The following PPM1B variants were observed in gnomAD, a reference collection of about 807,000 sequenced individuals.
PPM1B encodes protein phosphatase, Mg2+/Mn2+ dependent 1B, also known as protein phosphatase 1B.
A neutral mutation model predicts 43.0 loss-of-function variants in PPM1B; 22 were observed. That is an observed-to-expected ratio of 0.51 (90% CI 0.37 to 0.73). The LOEUF (loss-of-function observed/expected upper bound fraction) is 0.73. Among genes scored for constraint, PPM1B ranks in the 30% least tolerant of loss-of-function variants. The probability of loss-of-function intolerance (pLI) is 0.00; values close to 1 mark genes in which losing one functional copy is unlikely to be tolerated. For synonymous variants in PPM1B, 217 were observed against 197.9 expected (o/e 1.10, Z -0.81); for missense variants, 632 against 584.2 (o/e 1.08, Z -0.84).
chr2:44,182,165 G>A (rs1667905609), intron 1 of PPM1B, among the ~76,000 whole-genome samples: 1 of 152,198 alleles, frequency 6.6e-6, no homozygotes, highest in African/African-American at 2.4e-5. Context: ...TTTGGGTTCT[G>A]AAATGGCTGT....
chr2:44,171,539 G>A (rs1667344400), intron 1 of PPM1B, among the ~76,000 whole-genome samples: 1 of 152,142 alleles, frequency 6.6e-6, no homozygotes, highest in South Asian at 2.1e-4. Flanking sequence ...ATTAAAAAGA[G>A]GCTATATAGG....
chr2:44,196,543 A>G (rs1668672333), intron 1 of PPM1B, among the ~76,000 whole-genome samples: 1 of 152,148 alleles, frequency 6.6e-6, no homozygotes, highest in South Asian at 2.1e-4. Flanking sequence ...TACTTTTTGA[A>G]AAGAAAATAA....
intron 1 of PPM1B, among the ~76,000 whole-genome samples, chr2:44,195,405 T>C (rs1294956439): frequency 6.6e-6 from 1 of 151,848 alleles, no homozygotes; most frequent in Non-Finnish European, 1.5e-5. Flanking sequence ...AGAGATAGGG[T>C]CTTGCTATGT....
chr2:44,214,697 A>G (rs901597312), intron 3 of PPM1B, among the ~76,000 whole-genome samples: 1 of 152,086 alleles, frequency 6.6e-6, no homozygotes, highest in Non-Finnish European at 1.5e-5. Context: ...AAATATCCAG[A>G]GTGGTCCTAT....
chr2:44,195,704 C>T (rs1413906144), intron 1 of PPM1B, among the ~76,000 whole-genome samples: 1 of 152,196 alleles, frequency 6.6e-6, no homozygotes, highest in Admixed American at 6.5e-5. Context: ...TGTCTGCAAC[C>T]TATTTAGTAA....
intron 5 of PPM1B, chr2:44,219,068 A>G (rs559664825): frequency 7.3e-6 from 2 of 273,212 alleles, no homozygotes; most frequent in South Asian, 3.2e-5. Context: ...ACCTTGCTGT[A>G]CTTCATCAGA....
intron 1 of PPM1B, among the ~76,000 whole-genome samples, chr2:44,197,694 G>A (rs1183208211): frequency 2.0e-5 from 3 of 152,100 alleles, no homozygotes; most frequent in Non-Finnish European, 4.4e-5. Context: ...CAAGATTTAG[G>A]CTAGTCTTAA....
At chr2:44,232,436 C>A, downstream of PPM1B, 2 of 1,573,626 alleles carry the variant, frequency 1.3e-6, no homozygotes, top group South Asian at 1.2e-5. Context: ...GGAAAATATT[C>A]TTGCGGATTC....
intron 1 of PPM1B, among the ~76,000 whole-genome samples, chr2:44,191,776 T>G (rs1668415200): frequency 6.6e-6 from 1 of 152,126 alleles, no homozygotes. Context: ...ACTCTGGAGA[T>G]TTCTCATGCT....
chr2:44,189,381 T>G (rs1668295096), intron 1 of PPM1B, among the ~76,000 whole-genome samples: 1 of 152,228 alleles, frequency 6.6e-6, no homozygotes, highest in Non-Finnish European at 1.5e-5. Context: ...TTACTACATC[T>G]GTGAACGTAC....
intron 5 of PPM1B, among the ~76,000 whole-genome samples, chr2:44,225,723 C>G (rs948177777): frequency 3.3e-5 from 5 of 152,280 alleles, no homozygotes; most frequent in Middle Eastern, 3.4e-3. Context: ...GTGGTGCAAT[C>G]TCGGCTCACT....
At chr2:44,183,644 G>T (rs1667987511) in intron 1 of PPM1B, among the ~76,000 whole-genome samples, 1 of 152,194 alleles carries the variant, frequency 6.6e-6, no homozygotes, top group African/African-American at 2.4e-5. Context: ...CAGGAGGAAG[G>T]GAGAGAATTA....
intron 1 of PPM1B, among the ~76,000 whole-genome samples, chr2:44,178,516 G>T (rs1015596779): frequency 2.0e-5 from 3 of 149,732 alleles, no homozygotes; most frequent in Non-Finnish European, 4.4e-5. Flanking sequence ...CACCCAGGCT[G>T]GAGTGCAATG....
rs141394540 is a variant in PPM1B at position 44,227,482 on chromosome 2, A to T, written c.1135-2931A>T. The stretch of plus-strand genomic sequence containing the variant: ...AACATGAACAGATACACAGACGTAT[A>T]TGTATCCAAAAAGCATGGGCCATAC... On this transcript the variant is annotated intron_variant, in intron 5 of 5. Coordinates refer to ENST00000282412, the MANE Select transcript of PPM1B (RefSeq NM_002706.6). Among the ~76,000 whole-genome samples, 11 of 150,750 alleles carry T rather than the reference A, an allele frequency of 7.3e-5. No homozygotes were observed. In the East Asian group the frequency reaches 2.1e-3, roughly 29 times the overall value.
chr2:44,218,643 GTAAATTACTAC>G lies in PPM1B; in HGVS notation c.1134+108_1134+118del, dbSNP rs1669836304. The G allele has an allele frequency of 3.4e-5, 25 of 740,362 alleles. 1 individual carries two copies. The South Asian group carries it at 4.7e-4, about 14-fold the overall frequency. 45.9% of individuals were successfully genotyped at this position (740,362 alleles called of 1,614,324 possible). ...AGTCTATAATAAATTATAGTCTGTA[GTAAATTACTAC>G]TGCTTTTCATTTTAAAGTGTCAGTT... is the stretch of plus-strand genomic sequence containing the variant. On this transcript the variant is annotated intron_variant, in intron 5 of 5. Coordinates refer to ENST00000282412, the MANE Select transcript of PPM1B (RefSeq NM_002706.6).
At chr2:44,170,554 C>G (rs1322411803) in intron 1 of PPM1B, among the ~76,000 whole-genome samples, 1 of 152,172 alleles carries the variant, frequency 6.6e-6, no homozygotes, top group Admixed American at 6.6e-5. Flanking sequence ...GTAAATTGTT[C>G]AGAGTAGACA....
downstream of PPM1B, among the ~76,000 whole-genome samples, chr2:44,237,344 G>A (rs574590339): frequency 6.6e-6 from 1 of 152,278 alleles, no homozygotes; most frequent in South Asian, 2.1e-4. Flanking sequence ...AGAATACATT[G>A]CTTTTCAGGC....
intron 5 of PPM1B, among the ~76,000 whole-genome samples, chr2:44,228,700 G>A (rs928540344): frequency 4.0e-5 from 6 of 151,284 alleles, no homozygotes; most frequent in African/African-American, 1.5e-4. Flanking sequence ...TTAAAAAGGG[G>A]ATATGATATG....
intron 1 of PPM1B, among the ~76,000 whole-genome samples, chr2:44,182,285 G>A (rs923931705): frequency 6.6e-6 from 1 of 152,014 alleles, no homozygotes; most frequent in Non-Finnish European, 1.5e-5. Flanking sequence ...TTGACACAGA[G>A]TTTTGCTCTT....
Sources: gnomAD v4.1 joint callset for allele counts (sites outside exome capture counted in the v4.1 genomes callset) on GRCh38, gnomAD v4.1.1 for gene constraint, MANE v1.5 for transcripts, NCBI Gene and HGNC (gene_info 2026-07-23, HGNC 2026-07-21) for gene names.